Variants in QPRT observed in about 807,000 individuals in gnomAD.
The protein encoded by QPRT is nicotinate-nucleotide pyrophosphorylase [carboxylating].
Under a neutral mutation model 19.8 loss-of-function variants are expected in QPRT, and 17 were observed. The observed-to-expected ratio is 0.86, with a 90% CI of 0.59 to 1.29. The LOEUF is 1.29. Among genes scored for constraint, QPRT ranks in the 50% most tolerant of loss-of-function variants. QPRT has a pLI of 0.00. For synonymous variants in QPRT, 178 were observed against 191.0 expected, an observed-to-expected ratio of 0.93 and a Z score of 0.56; for missense variants, 336 against 405.1, an observed-to-expected ratio of 0.83 and a Z score of 1.46.
chr16:29,695,126 C>G lies in QPRT; in HGVS notation c.476C>G (p.Ser159Trp). 1 of 1,587,640 alleles carries G rather than the reference C, an allele frequency of 6.3e-7. No homozygotes were observed. The highest frequency in any genetic ancestry group is 8.6e-7 in the Non-Finnish European group (1 of 1,168,242). The change falls in exon 2 of 4, where the codon TCG (serine) becomes TGG (tryptophan). Residue 159 changes from serine to tryptophan, a missense_variant. Physicochemically the swap from Ser to Trp is radical, Grantham distance 177. Transcript: ENST00000395384. The part of the protein sequence containing the change: ...KYGLLVGGAA[S>W]HRYDLGGLVM... Reference sequence around the variant, plus strand: ...GGGCTCCTGGTGGGCGGGGCCGCCTCGCACCGCTACGACCTGGGAGGGCTG... The same window carrying G: ...GGGCTCCTGGTGGGCGGGGCCGCCTGGCACCGCTACGACCTGGGAGGGCTG...
At chr16:29,687,053 C>A (rs1004583001) in intron 1 of QPRT, among the ~76,000 whole-genome samples, 10 of 152,216 alleles carry the variant, frequency 6.6e-5, no homozygotes, top group African/African-American at 2.4e-4. Context: ...GGCCTGGAAG[C>A]CCCTTCCCTT....
intron 1 of QPRT, among the ~76,000 whole-genome samples, chr16:29,681,194 C>T (rs1966991640): frequency 1.3e-5 from 2 of 152,092 alleles, no homozygotes; most frequent in Admixed American, 1.3e-4. Context: ...GACTGCCACT[C>T]AGCAGCAGTG....
intron 1 of QPRT, among the ~76,000 whole-genome samples, chr16:29,691,116 G>C (rs566609405): frequency 2.0e-5 from 3 of 151,656 alleles, no homozygotes; most frequent in African/African-American, 7.2e-5. Flanking sequence ...TGTAATCCCA[G>C]CACTTTGGGA....
intron 1 of QPRT, among the ~76,000 whole-genome samples, chr16:29,681,493 C>CTT (rs10680462): frequency 0.073 from 7,113 of 96,850 alleles, 1,416 homozygotes; most frequent in African/African-American, 0.27. Flanking sequence ...GATCCAGATT[C>CTT]TTTTTTTTTT....
intron 1 of QPRT, among the ~76,000 whole-genome samples, chr16:29,688,763 TTTTG>T (rs1450661292): frequency 1.3e-5 from 2 of 151,014 alleles, no homozygotes; most frequent in Non-Finnish European, 3.0e-5. Context: ...CAGGCTAATT[TTTTG>T]TTTGTTTTTA....
In QPRT at chr16:29,684,786, C is replaced by T. The variant is rs566352300; in HGVS notation, c.13+5576C>T. Among the ~76,000 whole-genome samples, 264 of 152,346 alleles carry T rather than the reference C, an allele frequency of 1.7e-3. 2 individuals carry two copies. Among genetic ancestry groups the T allele is most frequent in the African/African-American group, 6.0e-3 (250 of 41,588 alleles). The stretch of plus-strand genomic sequence containing the variant: ...TCTCTCGAGCTCTGCAGAAGCTAAG[C>T]TGTTTCACCAGGCCACGATTCAGGA... On this transcript the variant is annotated intron_variant, in intron 1 of 3. Coordinates refer to ENST00000395384, the MANE Select transcript of QPRT (RefSeq NM_014298.6).
At chr16:29,696,789 A>C (rs1022929507) in intron 2 of QPRT, 16 of 570,142 alleles carry the variant, frequency 2.8e-5, no homozygotes, top group South Asian at 2.7e-4. Context: ...TCAAAAACAA[A>C]ACAAAGCAAA....
chr16:29,696,279 C>G (rs1391539468), intron 2 of QPRT: 1 of 150,428 alleles, frequency 6.6e-6, no homozygotes, highest in Non-Finnish European at 1.5e-5. Flanking sequence ...TACTTAAGTC[C>G]AGGAGTCTGA....
At chr16:29,685,048 T>A (rs1967121784) in intron 1 of QPRT, among the ~76,000 whole-genome samples, 1 of 152,142 alleles carries the variant, frequency 6.6e-6, no homozygotes, top group South Asian at 2.1e-4. Context: ...GGCCCAAGGC[T>A]CCCACATCTC....
chr16:29,693,264 C>A (rs938586020), intron 1 of QPRT, among the ~76,000 whole-genome samples: 2 of 152,086 alleles, frequency 1.3e-5, no homozygotes, highest in African/African-American at 4.8e-5. Flanking sequence ...ACCTTCCCCA[C>A]CTCCCCATCA....
intron 1 of QPRT, among the ~76,000 whole-genome samples, chr16:29,686,907 G>A (rs750369619): frequency 6.6e-6 from 1 of 152,210 alleles, no homozygotes; most frequent in Non-Finnish European, 1.5e-5. Context: ...ATTTTTCACT[G>A]ATTCTCTGAC....
At chr16:29,693,553 C>A (rs529093344) in intron 1 of QPRT, among the ~76,000 whole-genome samples, 1 of 150,040 alleles carries the variant, frequency 6.7e-6, no homozygotes, top group African/African-American at 2.5e-5. Context: ...GCCACTGTAC[C>A]CAGCCCCATC....
chr16:29,696,977 C>G lies in QPRT; in HGVS notation c.550-19C>G. On this transcript the variant is annotated intron_variant, in intron 2 of 3. Coordinates refer to ENST00000395384, the MANE Select transcript of QPRT (RefSeq NM_014298.6). ...TGCTGGGCCCAGTCCTCACCCTTGT[C>G]CTCCCGGCTGCCCAGCAGGCGGTGC... 1.3e-6 allele frequency: 2 copies of G among 1,585,880 alleles called. No homozygotes were observed. Among genetic ancestry groups the G allele is most frequent in the Non-Finnish European group, 1.7e-6 (2 of 1,168,716 alleles).
chr16:29,686,640 C>T (rs555754767), intron 1 of QPRT, among the ~76,000 whole-genome samples: 34 of 152,232 alleles, frequency 2.2e-4, no homozygotes, highest in African/African-American at 6.3e-4. Flanking sequence ...GGATTACAGG[C>T]GCTCGGCTTT....
chr16:29,690,618 C>A (rs1404879004), intron 1 of QPRT, among the ~76,000 whole-genome samples: 3 of 152,034 alleles, frequency 2.0e-5, no homozygotes, highest in African/African-American at 7.2e-5. Flanking sequence ...ATCATACGGC[C>A]TTTTGGATCT....
chr16:29,683,597 G>A (rs1172520735), intron 1 of QPRT, among the ~76,000 whole-genome samples: 5 of 151,828 alleles, frequency 3.3e-5, no homozygotes, highest in African/African-American at 4.8e-5. Context: ...GGCCTCAAGC[G>A]ATCCTTCTGC....
chr16:29,694,344 C>T (rs533104954), intron 1 of QPRT, among the ~76,000 whole-genome samples: 15 of 152,068 alleles, frequency 9.9e-5, no homozygotes, highest in African/African-American at 3.4e-4. Flanking sequence ...TGGTCTCGAT[C>T]TCCTGACCTC....
At chr16:29,688,898 A>G (rs1443996615) in intron 1 of QPRT, among the ~76,000 whole-genome samples, 1 of 150,634 alleles carries the variant, frequency 6.6e-6, no homozygotes, top group Non-Finnish European at 1.5e-5. Flanking sequence ...CTCCTGCCTC[A>G]GCCTCCCGAG....
intron 1 of QPRT, among the ~76,000 whole-genome samples, chr16:29,691,116 G>A: frequency 6.6e-6 from 1 of 151,656 alleles, no homozygotes; most frequent in East Asian, 2.0e-4. Context: ...TGTAATCCCA[G>A]CACTTTGGGA....
Sources: allele counts gnomAD v4.1 joint callset (sites outside exome capture counted in the v4.1 genomes callset), GRCh38; gene constraint gnomAD v4.1.1; transcripts MANE v1.5; gene names NCBI Gene and HGNC (gene_info 2026-07-23, HGNC 2026-07-21).